PCDHGB7: variants seen among roughly 807,000 people sequenced by gnomAD.
PCDHGB7 encodes protocadherin gamma-B7.
A neutral mutation model predicts 61.4 loss-of-function variants in PCDHGB7; 37 were observed. That is an observed-to-expected ratio of 0.60 (90% CI 0.46 to 0.79). The LOEUF is 0.79. Ranked by LOEUF, PCDHGB7 falls within the 30% of genes least tolerant of loss-of-function variation. The pLI is 0.00. For synonymous variants in PCDHGB7, 464 were observed against 503.5 expected, an observed-to-expected ratio of 0.92 and a Z score of 1.05; for missense variants, 1,166 against 1,202.5, an observed-to-expected ratio of 0.97 and a Z score of 0.45.
At chr5:141,464,413 A>G (rs2099083422) in intron 1 of PCDHGB7, among the ~76,000 whole-genome samples, 1 of 151,632 alleles carries the variant, frequency 6.6e-6, no homozygotes, top group African/African-American at 2.4e-5. Context: ...ATATATATAT[A>G]TCTATATATA....
Position 141,420,215 on chromosome 5 carries a change from A to G in PCDHGB7, c.2356A>G (p.Met786Val). 1.2e-6 allele frequency: 2 copies of G among 1,612,096 alleles called. No homozygotes were observed. Among genetic ancestry groups the G allele is most frequent in the South Asian group, 1.1e-5 (1 of 90,920 alleles). ...ACAAGATAACCTCAACAAAGATAGCATGCTACTGGCTAGCATTTTAACTCC... is the reference window on the plus strand; with the variant it reads ...ACAAGATAACCTCAACAAAGATAGCGTGCTACTGGCTAGCATTTTAACTCC... ...ATQDNLNKDS[M>V]LLASILTPSV... Residue 786 changes from methionine (M) to valine (V), a missense_variant, in exon 1 of 4, where the codon ATG (methionine) becomes GTG (valine). Physicochemically the swap from Met to Val is conservative, Grantham distance 21 (BLOSUM62 1). Transcript: ENST00000398594.
chr5:141,479,676 G>A (rs2099503035), intron 1 of PCDHGB7: 1 of 152,242 alleles, frequency 6.6e-6, no homozygotes, highest in African/African-American at 2.4e-5. Context: ...CAAAAGGAGA[G>A]TCTTTTTGGT....
intron 1 of PCDHGB7, among the ~76,000 whole-genome samples, chr5:141,480,911 G>A (rs2154578422): frequency 6.6e-6 from 1 of 152,218 alleles, no homozygotes; most frequent in East Asian, 1.9e-4. Flanking sequence ...TGGGCATGGT[G>A]GCGCATACCT....
intron 1 of PCDHGB7, among the ~76,000 whole-genome samples, chr5:141,472,245 T>A (rs1217786736): frequency 6.6e-6 from 1 of 152,144 alleles, no homozygotes; most frequent in East Asian, 1.9e-4. Context: ...ACTTTCTATT[T>A]TAAAGTTATA....
At position 141,431,423 on chromosome 5, in the gene PCDHGB7, C is replaced by T; in HGVS notation, c.2415+11149C>T. The T allele has an allele frequency of 3.1e-6, 5 of 1,613,670 alleles. No individual in the cohort carries two copies. Among genetic ancestry groups the T allele is most frequent in the Non-Finnish European group, 4.2e-6 (5 of 1,180,030 alleles). ...GGCCTCCGACGGGGGCGACCCGGTG[C>T]GCACAGGCACCGCGCGCATCCGCGT... On this transcript the variant is annotated intron_variant, in intron 1 of 3. Coordinates refer to ENST00000398594, the MANE Select transcript of PCDHGB7 (RefSeq NM_018927.4). This position sits in a 1 kb window ranked among gnomAD's most constrained non-coding sequence, Gnocchi z 4.8.
Position 141,511,252 on chromosome 5 carries a change from G to C in PCDHGB7, c.*79G>C. 6.4e-7 allele frequency: 1 copy of C among 1,568,260 alleles called. No homozygotes were observed. The highest frequency in any genetic ancestry group is 8.6e-7 in the Non-Finnish European group (1 of 1,157,002). On this transcript the variant is annotated 3_prime_UTR_variant, in exon 4 of 4. Coordinates refer to ENST00000398594, the MANE Select transcript of PCDHGB7 (RefSeq NM_018927.4). ...TCTCCTTACCTGCACCCAGGCCTCA[G>C]AGTTTCAGGGCTAACCCCCAGAATA... is the stretch of plus-strand genomic sequence containing the variant.
chr5:141,428,624 C>CT, intron 1 of PCDHGB7: 1 of 193,988 alleles, frequency 5.2e-6, no homozygotes, highest in South Asian at 1.1e-4. Context: ...AAGATAAGCT[C>CT]TAACTCTGTT....
intron 1 of PCDHGB7, among the ~76,000 whole-genome samples, chr5:141,484,021 G>A (rs892390865): frequency 2.6e-5 from 4 of 151,080 alleles, no homozygotes; most frequent in African/African-American, 9.7e-5. Context: ...GGGGTGGGGT[G>A]AGATCAAGTC....
Position 141,490,637 on chromosome 5 carries a change from A to C in PCDHGB7, c.2416-4170A>C. ...CTTTACACTGCTTACATCCTAGAAA[A>C]CCGGCCTCCGGGCTCCCTTCTTTGC... is the stretch of plus-strand genomic sequence containing the variant. On this transcript the variant is annotated intron_variant, in intron 1 of 3. Coordinates refer to ENST00000398594, the MANE Select transcript of PCDHGB7 (RefSeq NM_018927.4). This position sits in a 1 kb window ranked among gnomAD's most constrained non-coding sequence, Gnocchi z 5.4. 1 of 1,614,108 alleles carries C rather than the reference A, an allele frequency of 6.2e-7. No individual in the cohort carries two copies. Among genetic ancestry groups the C allele is most frequent in the Non-Finnish European group, 8.5e-7 (1 of 1,179,992 alleles).
At chr5:141,488,439 C>G (rs2099675441) in intron 1 of PCDHGB7, among the ~76,000 whole-genome samples, 1 of 152,206 alleles carries the variant, frequency 6.6e-6, no homozygotes, top group African/African-American at 2.4e-5. Context: ...TCTGACCACC[C>G]TCCTGGGTGA....
intron 2 of PCDHGB7, among the ~76,000 whole-genome samples, chr5:141,500,768 A>C (rs2099802446): frequency 6.6e-6 from 1 of 152,180 alleles, no homozygotes; most frequent in African/African-American, 2.4e-5. Flanking sequence ...AACTCCTCTT[A>C]TGAATATACA....
intron 3 of PCDHGB7, among the ~76,000 whole-genome samples, chr5:141,509,044 C>G (rs1385744160): frequency 1.3e-5 from 2 of 152,130 alleles, no homozygotes. Flanking sequence ...CCCTCTCCCC[C>G]GCCCCCAGAA....
At chr5:141,504,961 G>A (rs995382728) in intron 2 of PCDHGB7, among the ~76,000 whole-genome samples, 2 of 151,928 alleles carry the variant, frequency 1.3e-5, no homozygotes, top group Non-Finnish European at 2.9e-5. Flanking sequence ...TCAATGCATT[G>A]GACCAGCCTG....
chr5:141,423,299 C>T (rs1225422770), intron 1 of PCDHGB7: 2 of 1,614,128 alleles, frequency 1.2e-6, no homozygotes, highest in Non-Finnish European at 1.7e-6. Context: ...TCAGACCTCT[C>T]GCTGTACTTG....
intron 1 of PCDHGB7, chr5:141,422,543 T>A: frequency 3.1e-6 from 5 of 1,614,000 alleles, no homozygotes; most frequent in Non-Finnish European, 4.2e-6. Flanking sequence ...GAAACTCATG[T>A]CTGGCTGAAT....
chr5:141,477,351 G>A lies in PCDHGB7; in HGVS notation c.2416-17456G>A. 6.2e-7 allele frequency: 1 copy of A among 1,614,126 alleles called. No homozygotes were observed. The highest frequency in any genetic ancestry group is 8.5e-7 in the Non-Finnish European group (1 of 1,180,018). On this transcript the variant is annotated intron_variant, in intron 1 of 3. Transcript: ENST00000398594. This position sits in a 1 kb window ranked among gnomAD's most constrained non-coding sequence, Gnocchi z 4.9. ...AAGAATTACTTCACTTTGAAAACCA[G>A]TGCAGACCTGGATCGGGAGACTGTG...
rs1438257730 is a variant in PCDHGB7, at chr5:141,477,587, C to G, written c.2416-17220C>G. 4.3e-6 allele frequency: 7 copies of G among 1,614,094 alleles called. 1 individual carries two copies. In the South Asian group the frequency reaches 7.7e-5, roughly 18 times the overall value. ...GGACCCCGACGCCCCGCAGAATGCT[C>G]GGCTTTCTTTCTTTCTCTTGGAGCA... On this transcript the variant is annotated intron_variant, in intron 1 of 3. Transcript: ENST00000398594. The surrounding 1 kb of genome is among the most constrained non-coding windows in gnomAD (Gnocchi z 4.9).
rs146734417 is a variant in PCDHGB7, at chr5:141,431,409, G to T, written c.2415+11135G>T. The T allele has an allele frequency of 1.9e-6, 3 of 1,613,722 alleles. No homozygotes were observed. Among genetic ancestry groups the T allele is most frequent in the Non-Finnish European group, 2.5e-6 (3 of 1,180,048 alleles). On this transcript the variant is annotated intron_variant, in intron 1 of 3. Transcript: ENST00000398594. This position sits in a 1 kb window ranked among gnomAD's most constrained non-coding sequence, Gnocchi z 4.8. Reference sequence around the variant, plus strand: ...CACCTGGTCCTTACGGCCTCCGACGGGGGCGACCCGGTGCGCACAGGCACC... The same window carrying T: ...CACCTGGTCCTTACGGCCTCCGACGTGGGCGACCCGGTGCGCACAGGCACC...
Position 141,493,858 on chromosome 5 carries a change from C to A in PCDHGB7, c.2416-949C>A, listed in dbSNP as rs2099750481. Among the ~76,000 whole-genome samples, 1 of 152,184 alleles carries A rather than the reference C, an allele frequency of 6.6e-6. No homozygotes were observed. The highest frequency in any genetic ancestry group is 1.5e-5 in the Non-Finnish European group (1 of 68,030). On this transcript the variant is annotated intron_variant, in intron 1 of 3. Transcript: ENST00000398594. The surrounding 1 kb of genome is among the most constrained non-coding windows in gnomAD (Gnocchi z 4.3). ...AGTATGAGTATTAATTACCAGCCCA[C>A]CCCAGAACCAGTGAGGAGGTGGCTC...
Sources: gnomAD v4.1 joint callset for allele counts (sites outside exome capture counted in the v4.1 genomes callset) on GRCh38, gnomAD v4.1.1 for gene constraint, Gnocchi (gnomAD v3.1) non-coding constraint, MANE v1.5 for transcripts, NCBI Gene and HGNC (gene_info 2026-07-23, HGNC 2026-07-21) for gene names.